Variants in MAPK10 observed in about 807,000 individuals in gnomAD.
MAPK10 encodes the protein mitogen-activated protein kinase 10.
MAPK10 carries 25 observed loss-of-function variants against 59.3 expected under a neutral mutation model. That is an observed-to-expected ratio of 0.42 (90% CI 0.31 to 0.59). The LOEUF (loss-of-function observed/expected upper bound fraction) is 0.59. Ranked by LOEUF, MAPK10 falls within the 20% of genes least tolerant of loss-of-function variation. MAPK10 has a pLI of 0.15. For missense variants in MAPK10, 351 were observed against 568.9 expected, an observed-to-expected ratio of 0.62 and a Z score of 3.90; for synonymous variants, 190 against 200.5, an observed-to-expected ratio of 0.95 and a Z score of 0.44.
chr4:86,420,615 C>T (rs552867695), intron 1 of MAPK10, among the ~76,000 whole-genome samples: 12 of 151,842 alleles, frequency 7.9e-5, no homozygotes, highest in Non-Finnish European at 1.8e-4. Context: ...TGGCAAGACA[C>T]CAACTCTACA....
chr4:86,559,241 C>A (rs971949962), intron 1 of MAPK10, among the ~76,000 whole-genome samples: 1 of 150,988 alleles, frequency 6.6e-6, no homozygotes, highest in African/African-American at 2.4e-5. Context: ...CTATACCCTA[C>A]GTGACTAGCA....
At chr4:86,023,118 T>C (rs1748197370) in intron 13 of MAPK10, among the ~76,000 whole-genome samples, 1 of 152,196 alleles carries the variant, frequency 6.6e-6, no homozygotes, top group South Asian at 2.1e-4. Flanking sequence ...CATTTTTGTA[T>C]ATGATATGAG....
At chr4:86,129,428 T>C (rs2149135435) in intron 4 of MAPK10, among the ~76,000 whole-genome samples, 1 of 152,284 alleles carries the variant, frequency 6.6e-6, no homozygotes, top group Middle Eastern at 3.4e-3. Flanking sequence ...AATTCTGCAA[T>C]TGTTAGCTGG....
chr4:86,076,814 T>C (rs951629776), intron 9 of MAPK10, among the ~76,000 whole-genome samples: 1 of 152,224 alleles, frequency 6.6e-6, no homozygotes, highest in African/African-American at 2.4e-5. Context: ...AAATATGTTT[T>C]TAAAGAATGA....
At chr4:86,242,994 G>A (rs540806587) in intron 2 of MAPK10, among the ~76,000 whole-genome samples, 56 of 152,332 alleles carry the variant, frequency 3.7e-4, no homozygotes, top group Non-Finnish European at 5.4e-4. Context: ...GCACAGTTCC[G>A]TGGGAAAAGC....
At chr4:86,588,585 A>G (rs1762796103) in intron 1 of MAPK10, among the ~76,000 whole-genome samples, 1 of 152,162 alleles carries the variant, frequency 6.6e-6, no homozygotes, top group Admixed American at 6.5e-5. Flanking sequence ...TTTTATAACT[A>G]TCAACAATAA....
At chr4:86,136,166 A>G (rs138077068) in intron 4 of MAPK10, among the ~76,000 whole-genome samples, 7,460 of 152,238 alleles carry the variant, frequency 0.049, 613 homozygotes, top group African/African-American at 0.17. Flanking sequence ...CAACGTTCAC[A>G]TTCAGGAAAC....
intron 2 of MAPK10, among the ~76,000 whole-genome samples, chr4:86,275,928 C>T (rs1285601778): frequency 1.3e-5 from 2 of 152,094 alleles, no homozygotes; most frequent in South Asian, 2.1e-4. Context: ...TAAAGTCATA[C>T]AAATCTATAA....
chr4:86,384,607 C>T (rs574270617), intron 1 of MAPK10, among the ~76,000 whole-genome samples: 1 of 152,254 alleles, frequency 6.6e-6, no homozygotes, highest in East Asian at 1.9e-4. Context: ...ATTAGGACAT[C>T]AGCTGAGGCA....
At chr4:86,460,226 A>C (rs1271003280) in intron 1 of MAPK10, among the ~76,000 whole-genome samples, 1 of 152,200 alleles carries the variant, frequency 6.6e-6, no homozygotes, top group African/African-American at 2.4e-5. Context: ...ACTTAACTAC[A>C]TAGTTGGGTA....
intron 2 of MAPK10, among the ~76,000 whole-genome samples, chr4:86,237,473 C>G (rs1206730935): frequency 6.6e-6 from 1 of 152,176 alleles, no homozygotes; most frequent in Non-Finnish European, 1.5e-5. Flanking sequence ...TTCCCACCAA[C>G]AGTATAAAAG....
At chr4:86,563,832 T>C (rs1370610831) in intron 1 of MAPK10, among the ~76,000 whole-genome samples, 1 of 152,178 alleles carries the variant, frequency 6.6e-6, no homozygotes. Flanking sequence ...GTTTAAAACT[T>C]AAATTATTAT....
At chr4:86,590,123 G>A (rs2149116825) in intron 1 of MAPK10, among the ~76,000 whole-genome samples, 1 of 152,054 alleles carries the variant, frequency 6.6e-6, no homozygotes, top group Non-Finnish European at 1.5e-5. Context: ...CTCATCTAAA[G>A]CATCTGATAA....
At chr4:86,435,849 GCTA>G (rs1010159827) in intron 1 of MAPK10, among the ~76,000 whole-genome samples, 41 of 152,136 alleles carry the variant, frequency 2.7e-4, no homozygotes, top group Non-Finnish European at 1.5e-5. Context: ...GCCAAATTCA[GCTA>G]ATATTAGAAA....
At chr4:86,089,345 T>TGGGC in intron 9 of MAPK10, 1 of 1,059,096 alleles carries the variant, frequency 9.4e-7, no homozygotes, top group Non-Finnish European at 1.4e-6. Context: ...ATGAAAACAC[T>TGGGC]GGGCTACTCA....
chr4:86,429,569 A>T (rs1328049462), intron 1 of MAPK10: 1 of 152,150 alleles, frequency 6.6e-6, no homozygotes, highest in Admixed American at 6.6e-5. Context: ...TTGGGAGGCC[A>T]AGGTAGGAGG....
At chr4:86,563,743 T>C (rs556965427) in intron 1 of MAPK10, among the ~76,000 whole-genome samples, 90 of 152,292 alleles carry the variant, frequency 5.9e-4, no homozygotes, top group Admixed American at 5.9e-4. Flanking sequence ...TGTGGATACA[T>C]TGGACAAGAG....
At chr4:86,408,005 C>G (rs1281027369) in intron 1 of MAPK10, among the ~76,000 whole-genome samples, 1 of 152,010 alleles carries the variant, frequency 6.6e-6, no homozygotes, top group Non-Finnish European at 1.5e-5. Context: ...CTGCACCCAT[C>G]AACTCGTCAT....
chr4:86,180,787 A>G (rs1675158097), intron 3 of MAPK10, among the ~76,000 whole-genome samples: 1 of 152,116 alleles, frequency 6.6e-6, no homozygotes, highest in African/African-American at 2.4e-5. Context: ...TCATATATGG[A>G]AGCTAAAAAA....
Sources: allele counts gnomAD v4.1 joint callset (sites outside exome capture counted in the v4.1 genomes callset), GRCh38; gene constraint gnomAD v4.1.1; transcripts MANE v1.5; gene names NCBI Gene and HGNC (gene_info 2026-07-23, HGNC 2026-07-21).